Variants in KLK10 observed in about 807,000 individuals in gnomAD.
The protein encoded by KLK10 is kallikrein-10.
KLK10 carries 27 observed loss-of-function variants against 25.7 expected under a neutral mutation model. The ratio of observed to expected loss-of-function variants is 1.05; its 90% CI spans 0.77 to 1.45. The LOEUF is 1.45. KLK10 is among the 40% of genes most tolerant of loss of function. KLK10 has a pLI of 0.00. For synonymous variants in KLK10, 173 were observed against 160.1 expected (o/e 1.08, Z -0.61); for missense variants, 386 against 370.0 (o/e 1.04, Z -0.35).
intron 2 of KLK10, among the ~76,000 whole-genome samples, chr19:51,018,184 A>AAAAAAAAAAAAG (rs2091358056): frequency 7.5e-6 from 1 of 133,304 alleles, no homozygotes; most frequent in Non-Finnish European, 1.6e-5. Flanking sequence ...AAAAAAAAAA[A>AAAAAAAAAAAAG]AAGAAGGAAA....
chr19:51,016,562 C>CTT (rs549681904), intron 3 of KLK10, among the ~76,000 whole-genome samples: 229 of 139,578 alleles, frequency 1.6e-3, no homozygotes, highest in African/African-American at 3.6e-3. Flanking sequence ...CACACCCAGC[C>CTT]TTTTTTTTTT....
chr19:51,019,105 G>T lies in KLK10; in HGVS notation c.26C>A (p.Ser9Tyr). 6.2e-7 allele frequency: 1 copy of T among 1,609,518 alleles called. No homozygotes were observed. The change falls in exon 2 of 6, where the codon TCC becomes TAC. Residue 9 changes from serine to tyrosine, a missense_variant. By Grantham distance (144) the Ser-to-Tyr change is moderately radical. Transcript: ENST00000358789. This position sits in a 1 kb window ranked among gnomAD's most constrained non-coding sequence, Gnocchi z 4.2. Reference sequence around the variant, plus strand: ...CAGAGCCCGGGCGCCAGAGGCGGCGGAGAGGTGGAGGTGCGGAGCTCTCAT... The same window carrying T: ...CAGAGCCCGGGCGCCAGAGGCGGCGTAGAGGTGGAGGTGCGGAGCTCTCAT... MRAPHLHL[S>Y]AASGARALAK...
At chr19:51,018,164 C>CAAAAAAAAAAAAAAAAAAAA (rs35154267) in intron 2 of KLK10, among the ~76,000 whole-genome samples, 19 of 36,438 alleles carry the variant, frequency 5.2e-4, no homozygotes, top group Non-Finnish European at 5.7e-4. Flanking sequence ...TGCCCTGTCT[C>CAAAAAAAAAAAAAAAAAAAA]AAAAAAAAAA....
In KLK10 at chr19:51,018,861, C is replaced by A. The variant is rs1274900277; in HGVS notation, c.88+182G>T. 1.3e-5 allele frequency: 8 copies of A among 606,986 alleles called. No homozygotes were observed. In the Admixed American group the frequency reaches 2.2e-4, roughly 17 times the overall value. The allele number at this position is 606,986 out of a possible 1,614,324, so 37.6% of individuals were successfully genotyped here. ...GACAGGGCCTGAGTGGGGCGGGTCA[C>A]CCAGGGGCCGAGCCAGAAGAAGGGC... On this transcript the variant is annotated intron_variant, in intron 2 of 5. Coordinates refer to ENST00000358789, the MANE Select transcript of KLK10 (RefSeq NM_145888.3).
Position 51,019,283 on chromosome 19 carries a change from C to G in KLK10, c.-9-144G>C. 1 of 574,796 alleles carries G rather than the reference C, an allele frequency of 1.7e-6. No homozygotes were observed. The highest frequency in any genetic ancestry group is 3.1e-6 in the Non-Finnish European group (1 of 325,932). 35.6% of individuals were successfully genotyped at this position (574,796 alleles called of 1,614,324 possible). ...GCCGATAACCCCAGGGGCTGGCAGA[C>G]GGGAGATTCGGGCTGGAACAGCGGT... On this transcript the variant is annotated intron_variant, in intron 1 of 5. Coordinates refer to ENST00000358789, the MANE Select transcript of KLK10 (RefSeq NM_145888.3). The surrounding 1 kb of genome is among the most constrained non-coding windows in gnomAD (Gnocchi z 4.2).
intron 2 of KLK10, chr19:51,018,442 A>T (rs577255321): frequency 6.5e-6 from 1 of 153,086 alleles, no homozygotes; most frequent in East Asian, 1.9e-4. Flanking sequence ...TGTGGCCGGG[A>T]GCGGTGGCTC....
chr19:51,019,904 G>GC (rs2091384281), upstream of KLK10: 1 of 151,988 alleles, frequency 6.6e-6, no homozygotes, highest in African/African-American at 2.4e-5. This position sits in a 1 kb window ranked among gnomAD's most constrained non-coding sequence, Gnocchi z 4.2. Context: ...TGCCCGAAAC[G>GC]CCCCCTTTTC....
chr19:51,018,191 G>GAAAAAAA (rs2091358485), intron 2 of KLK10, among the ~76,000 whole-genome samples: 1 of 74,600 alleles, frequency 1.3e-5, no homozygotes. Context: ...AAAAAAGAAG[G>GAAAAAAA]AAAGAAAAAG....
chr19:51,016,108 T>G lies in KLK10; in HGVS notation c.318A>C (p.Gly106=), dbSNP rs2075688. The G allele has an allele frequency of 0.63, 1,002,490 of 1,580,068 alleles. 323,089 individuals are homozygous for G. The highest frequency in any genetic ancestry group is 0.93 in the African/African-American group (68,796 of 74,058). ...VGDDHLLLLQ[G]EQLRRTTRSV... ...AGCGAGTGGTCCGGCGGAGCTGCTC[T>G]CCCTGAAGAAGCAGCAGGTGGTCAT... Residue 106 remains glycine (G), a synonymous_variant, in exon 4 of 6, where the codon GGA becomes GGC. Transcript: ENST00000358789.
chr19:51,019,306 G>A lies in KLK10; in HGVS notation c.-9-167C>T, dbSNP rs1480892869. Among the ~76,000 whole-genome samples the A allele has an allele frequency of 3.3e-5, 5 of 152,298 alleles. No homozygotes were observed. Among genetic ancestry groups the A allele is most frequent in the African/African-American group, 1.2e-4 (5 of 41,572 alleles). ...GACGGGAGATTCGGGCTGGAACAGCGGTAATGGGCACAATTACCCTAATGA... is the reference window on the plus strand; with the variant it reads ...GACGGGAGATTCGGGCTGGAACAGCAGTAATGGGCACAATTACCCTAATGA... On this transcript the variant is annotated intron_variant, in intron 1 of 5. Transcript: ENST00000358789. The surrounding 1 kb of genome is among the most constrained non-coding windows in gnomAD (Gnocchi z 4.2).
intron 2 of KLK10, among the ~76,000 whole-genome samples, chr19:51,018,000 CAAAAAAA>C (rs1162503837): frequency 6.9e-3 from 194 of 28,138 alleles, no homozygotes; most frequent in South Asian, 0.02. Flanking sequence ...GACCCTGTCT[CAAAAAAA>C]AAAAAAAAAA....
intron 2 of KLK10, 60 bp downstream of exon 2, chr19:51,018,983 T>C: frequency 8.0e-7 from 1 of 1,245,156 alleles, no homozygotes; most frequent in Non-Finnish European, 1.1e-6. Context: ...CGGGAACACA[T>C]TCTCCTCCCG....
Position 51,016,031 on chromosome 19 carries a change from C to T in KLK10, c.395G>A (p.Arg132Gln), listed in dbSNP as rs1243714415. The part of the protein sequence containing the change: ...HQGSGPILPR[R>Q]TDEHDLMLLK... ...CAACATGAGATCGTGCTCATCCGTT[C>T]GCCTTGGCAGGATGGGGCCTGAGCC... Residue 132 changes from arginine to glutamine, a missense_variant, in exon 4 of 6, where the codon CGA becomes CAA. Coordinates refer to ENST00000358789, the MANE Select transcript of KLK10 (RefSeq NM_145888.3). The T allele has an allele frequency of 7.0e-6, 11 of 1,566,376 alleles. No individual in the cohort carries two copies. Among genetic ancestry groups the T allele is most frequent in the East Asian group, 2.4e-5 (1 of 42,240 alleles).
chr19:51,015,020 G>T (rs564592703), intron 5 of KLK10, 68 bp from the exon 6 acceptor site: 30 of 1,451,860 alleles, frequency 2.1e-5, no homozygotes, highest in Non-Finnish European at 2.9e-5. Flanking sequence ...TGGGATCTGG[G>T]GCAGTGGTGG....
At chr19:51,017,896 G>A (rs2091350940) in intron 2 of KLK10, among the ~76,000 whole-genome samples, 1 of 151,358 alleles carries the variant, frequency 6.6e-6, no homozygotes, top group South Asian at 2.1e-4. Flanking sequence ...AGCTACCTGG[G>A]AGGCTGAGGT....
In KLK10 at chr19:51,016,147, C is replaced by A; in HGVS notation, c.279G>T (p.Trp93Cys). ...TAAHCGNKPL[W>C]ARVGDDHLLL... ...GCAGGTGGTCATCCCCTACTCGAGC[C>A]CACAGTGGCCTGGGGGAAGGAAGAG... The change falls in exon 4 of 6, where the codon TGG becomes TGT. Residue 93 changes from tryptophan to cysteine, a missense_variant. Coordinates refer to ENST00000358789, the MANE Select transcript of KLK10 (RefSeq NM_145888.3). 1 of 1,582,570 alleles carries A rather than the reference C, an allele frequency of 6.3e-7. No homozygotes were observed. Among genetic ancestry groups the A allele is most frequent in the Non-Finnish European group, 8.6e-7 (1 of 1,164,396 alleles).
At position 51,019,063 on chromosome 19, in the gene KLK10, AGCG is replaced by A; in HGVS notation, c.65_67del (p.Pro22del). The A allele has an allele frequency of 6.2e-7, 1 of 1,604,700 alleles. No individual in the cohort carries two copies. Among genetic ancestry groups the A allele is most frequent in the Non-Finnish European group, 8.5e-7 (1 of 1,179,008 alleles). On this transcript the variant is annotated inframe_deletion, in exon 2 of 6. Transcript: ENST00000358789. This position sits in a 1 kb window ranked among gnomAD's most constrained non-coding sequence, Gnocchi z 4.2. ...CTTACCCCAGAGTTGCGCCATCAGC[AGCG>A]GCAGCAGCTTCGCCAGAGCCCGGGC... is the stretch of plus-strand genomic sequence containing the variant.
At position 51,017,294 on chromosome 19, in the gene KLK10, G is replaced by A. The variant is rs1332768868; in HGVS notation, c.89-4C>T. The stretch of plus-strand genomic sequence containing the variant: ...GGGAGCAGCGCCGCCTCTGCGGCTG[G>A]AGAAAGAAAGGGGACGGAATCAAAG... On this transcript the variant is annotated splice_polypyrimidine_tract_variant and splice_region_variant and intron_variant, in intron 2 of 5. Coordinates refer to ENST00000358789, the MANE Select transcript of KLK10 (RefSeq NM_145888.3). The A allele has an allele frequency of 8.1e-6, 13 of 1,598,772 alleles. No individual in the cohort carries two copies. Among genetic ancestry groups the A allele is most frequent in the South Asian group, 4.4e-5 (4 of 90,110 alleles).
Position 51,019,389 on chromosome 19 carries a change from C to G in KLK10, c.-10+238G>C, listed in dbSNP as rs1372946587. 6.6e-6 allele frequency among the ~76,000 whole-genome samples: 1 copy of G among 152,206 alleles called. No individual in the cohort carries two copies. The highest frequency in any genetic ancestry group is 1.5e-5 in the Non-Finnish European group (1 of 68,026). On this transcript the variant is annotated intron_variant, in intron 1 of 5. Coordinates refer to ENST00000358789, the MANE Select transcript of KLK10 (RefSeq NM_145888.3). This position sits in a 1 kb window ranked among gnomAD's most constrained non-coding sequence, Gnocchi z 4.2. ...GCCCGAGTGGAGCGCTCTCCGCGCC[C>G]CAGCTACCCTGGCTGCAGCCACGCC...
Sources: gnomAD v4.1 joint callset for allele counts (sites outside exome capture counted in the v4.1 genomes callset) on GRCh38, gnomAD v4.1.1 for gene constraint, Gnocchi (gnomAD v3.1) non-coding constraint, MANE v1.5 for transcripts, NCBI Gene and HGNC (gene_info 2026-07-23, HGNC 2026-07-21) for gene names.